The following TIAM2 variants were observed in gnomAD, a reference collection of about 807,000 sequenced individuals.
TIAM2 encodes the protein TIAM Rac1 associated GEF 2, also known as rho guanine nucleotide exchange factor TIAM2.
A neutral mutation model predicts 152.9 loss-of-function variants in TIAM2; 80 were observed. The observed-to-expected ratio is 0.52, with a 90% confidence interval of 0.44 to 0.63. The LOEUF (loss-of-function observed/expected upper bound fraction) is 0.63, where lower values mean the gene tolerates loss of function less well. Ranked by LOEUF, TIAM2 falls within the 30% of genes least tolerant of loss-of-function variation. The pLI is 0.00. For missense variants in TIAM2, 1,965 were observed against 2,120.1 expected (o/e 0.93, Z 1.44); for synonymous variants, 804 against 838.0 (o/e 0.96, Z 0.70).
At chr6:155,230,363 C>T (rs1241611824) in intron 15 of TIAM2, among the ~76,000 whole-genome samples, 1 of 152,224 alleles carries the variant, frequency 6.6e-6, no homozygotes, top group Non-Finnish European at 1.5e-5. Flanking sequence ...CTTCCCCCAG[C>T]CCCAAGCTGT....
intron 1 of TIAM2, among the ~76,000 whole-genome samples, chr6:155,010,358 A>G (rs1464789600): frequency 6.6e-6 from 1 of 152,240 alleles, no homozygotes; most frequent in Non-Finnish European, 1.5e-5. Flanking sequence ...AAGAAAAGAA[A>G]TGGGGTAAAG....
chr6:155,020,007 T>C (rs1293416210), intron 1 of TIAM2, among the ~76,000 whole-genome samples: 2 of 151,900 alleles, frequency 1.3e-5, no homozygotes, highest in African/African-American at 4.8e-5. Context: ...GAGCCGAGAT[T>C]GCGCCACTGC....
intron 1 of TIAM2, among the ~76,000 whole-genome samples, chr6:155,020,908 C>T (rs59513408): frequency 0.043 from 6,512 of 152,266 alleles, 447 homozygotes; most frequent in African/African-American, 0.15. Flanking sequence ...TCTTCCTCCA[C>T]CCTGGCAACC....
In TIAM2 at chr6:155,042,957, G is replaced by A. The variant is rs531864913; in HGVS notation, c.-208-47332G>A. Among the ~76,000 whole-genome samples the A allele has an allele frequency of 5.2e-4, 79 of 152,162 alleles. 1 individual carries two copies. Among genetic ancestry groups the A allele is most frequent in the African/African-American group, 1.9e-3 (77 of 41,530 alleles). On this transcript the variant is annotated intron_variant, in intron 1 of 26. Transcript: ENST00000682666. ...CCTCAGTTACTTTACTTATATAATA[G>A]TAGTAGTAATCGTCATGATAATTAC...
chr6:155,184,021 C>T (rs1246379056), intron 14 of TIAM2, among the ~76,000 whole-genome samples: 3 of 151,998 alleles, frequency 2.0e-5, no homozygotes, highest in Non-Finnish European at 2.9e-5. Flanking sequence ...CAGAGTCTCA[C>T]TCTGTCACCC....
chr6:155,194,447 C>G (rs953796684), intron 14 of TIAM2, among the ~76,000 whole-genome samples: 1 of 152,208 alleles, frequency 6.6e-6, no homozygotes, highest in Non-Finnish European at 1.5e-5. Flanking sequence ...GCAGCTGCTG[C>G]TAGTCCTCTA....
intron 9 of TIAM2, among the ~76,000 whole-genome samples, chr6:155,171,763 A>G (rs1780592616): frequency 6.6e-6 from 1 of 152,150 alleles, no homozygotes; most frequent in South Asian, 2.1e-4. Flanking sequence ...TTTTTCTTTC[A>G]TATCAACCGA....
At chr6:155,026,287 A>G (rs1413858429) in intron 1 of TIAM2, among the ~76,000 whole-genome samples, 1 of 152,208 alleles carries the variant, frequency 6.6e-6, no homozygotes, top group Non-Finnish European at 1.5e-5. Context: ...CAAATGTTCA[A>G]AATCTCTGTT....
At chr6:155,058,758 A>G (rs1485937819) in intron 1 of TIAM2, among the ~76,000 whole-genome samples, 1 of 152,248 alleles carries the variant, frequency 6.6e-6, no homozygotes, top group Non-Finnish European at 1.5e-5. Flanking sequence ...GATGATGATC[A>G]TTACCCACTA....
intron 15 of TIAM2, among the ~76,000 whole-genome samples, chr6:155,230,629 G>T (rs899588047): frequency 6.6e-6 from 1 of 152,032 alleles, no homozygotes; most frequent in African/African-American, 2.4e-5. Context: ...GGTAGGAAAA[G>T]ATTCCATTAA....
intron 2 of TIAM2, among the ~76,000 whole-genome samples, chr6:155,119,226 G>A (rs1003744954): frequency 4.0e-5 from 6 of 151,892 alleles, no homozygotes; most frequent in Non-Finnish European, 8.8e-5. Flanking sequence ...GTAGAGACAG[G>A]GTTTCACTGT....
intron 15 of TIAM2, 72 bp from the exon 16 acceptor site, chr6:155,240,458 G>C: frequency 6.7e-7 from 1 of 1,482,134 alleles, no homozygotes; most frequent in South Asian, 1.3e-5. Context: ...GAGACACTTG[G>C]TGCCCTTGGG....
chr6:155,022,041 G>C (rs538871202), intron 1 of TIAM2, among the ~76,000 whole-genome samples: 1 of 152,126 alleles, frequency 6.6e-6, no homozygotes, highest in Non-Finnish European at 1.5e-5. Flanking sequence ...CTGCAGCTTC[G>C]TACTTGGTGT....
chr6:155,240,470 G>C, intron 15 of TIAM2, 60 bp from the exon 16 acceptor site: 1 of 1,520,472 alleles, frequency 6.6e-7, no homozygotes. Context: ...GCCCTTGGGG[G>C]CAGCGGATAC....
At chr6:155,108,151 G>C (rs982108471) in intron 2 of TIAM2, among the ~76,000 whole-genome samples, 1 of 152,114 alleles carries the variant, frequency 6.6e-6, no homozygotes, top group Non-Finnish European at 1.5e-5. Context: ...AGCATTATGA[G>C]GTTATGAATT....
intron 1 of TIAM2, among the ~76,000 whole-genome samples, chr6:155,085,326 C>T (rs750671961): frequency 6.6e-6 from 1 of 152,158 alleles, no homozygotes; most frequent in Non-Finnish European, 1.5e-5. Flanking sequence ...ATGCATTCTA[C>T]TTACGTAGAG....
intron 14 of TIAM2, among the ~76,000 whole-genome samples, chr6:155,200,455 A>T (rs1437065755): frequency 9.9e-5 from 15 of 152,214 alleles, no homozygotes; most frequent in Non-Finnish European, 2.2e-4. Flanking sequence ...TCTTCTTTTT[A>T]AAAAATTGAA....
At chr6:155,090,140 A>C (rs1247893546) in intron 1 of TIAM2, 149 bp from the exon 2 acceptor site, 1 of 152,154 alleles carries the variant, frequency 6.6e-6, no homozygotes, top group East Asian at 1.9e-4. Context: ...ATAGTTAATC[A>C]CTTAACTCTT....
At chr6:155,140,352 C>T (rs187251442) in intron 5 of TIAM2, among the ~76,000 whole-genome samples, 105 of 152,262 alleles carry the variant, frequency 6.9e-4, no homozygotes, top group Non-Finnish European at 2.8e-4. Flanking sequence ...CTGAAGCTGC[C>T]TCCTAGTCAC....
Sources: gnomAD v4.1 joint callset for allele counts (sites outside exome capture counted in the v4.1 genomes callset) on GRCh38, gnomAD v4.1.1 for gene constraint, MANE v1.5 for transcripts, NCBI Gene and HGNC (gene_info 2026-07-23, HGNC 2026-07-21) for gene names.